The following SERPINE2 variants were observed in gnomAD, a reference collection of about 807,000 sequenced individuals.
SERPINE2 encodes the protein serpin family E member 2.
Under a neutral mutation model 36.3 loss-of-function variants are expected in SERPINE2, and 14 were observed. That is an observed-to-expected ratio of 0.39 (90% CI 0.25 to 0.60). The LOEUF is 0.60. Among genes scored for constraint, SERPINE2 ranks in the 20% least tolerant of loss-of-function variants. The pLI is 0.57. For missense variants in SERPINE2, 418 were observed against 499.6 expected (o/e 0.84, Z 1.56); for synonymous variants, 192 against 191.8 (o/e 1.00, Z -0.01).
At position 224,031,060 on chromosome 2, in the gene SERPINE2, GAAAGGA is replaced by G. The variant is rs200599962; in HGVS notation, c.-23+8033_-23+8038del. ...CGCAGCACGGCGAGGAGGTAGTCTT[GAAAGGA>G]GGAGTGTGCTTTGACACAAATTTCT... On this transcript the variant is annotated intron_variant, in intron 1 of 8. Transcript: ENST00000409304. 4.8e-3 allele frequency: 4,766 copies of G among 985,264 alleles called. 93 individuals carry two copies. The African/African-American group carries it at 0.057, about 12-fold the overall frequency. 61.0% of individuals were successfully genotyped at this position (985,264 alleles called of 1,614,324 possible). A position where few individuals can be genotyped will look rare whatever the true frequency, so the allele number is the denominator to read the frequency against.
chr2:224,028,602 G>A (rs1036227603), intron 1 of SERPINE2, among the ~76,000 whole-genome samples: 1 of 152,026 alleles, frequency 6.6e-6, no homozygotes, highest in Non-Finnish European at 1.5e-5. Flanking sequence ...AGTGGGAATC[G>A]GAGCCGGGTG....
At chr2:223,982,496 AAAT>A (rs1286689919) in intron 6 of SERPINE2, 182 bp downstream of exon 6, 4 of 491,740 alleles carry the variant, frequency 8.1e-6, no homozygotes, top group Non-Finnish European at 1.4e-5. Flanking sequence ...TAAAAGGAAA[AAAT>A]AAATAAATGA....
intron 1 of SERPINE2, among the ~76,000 whole-genome samples, chr2:224,012,114 C>G (rs1218921244): frequency 1.3e-5 from 2 of 152,148 alleles, no homozygotes; most frequent in African/African-American, 4.8e-5. Flanking sequence ...CCAGAGCTCC[C>G]CATGAGCTCT....
At chr2:224,004,848 A>C (rs545339154) in intron 1 of SERPINE2, among the ~76,000 whole-genome samples, 1 of 151,370 alleles carries the variant, frequency 6.6e-6, no homozygotes, top group Non-Finnish European at 1.5e-5. Flanking sequence ...GCCCACTATA[A>C]TCTGTACTCC....
In SERPINE2 at chr2:223,975,789, A is replaced by C; in HGVS notation, c.*78T>G. 1 of 1,192,506 alleles carries C rather than the reference A, an allele frequency of 8.4e-7. No individual in the cohort carries two copies. Among genetic ancestry groups the C allele is most frequent in the Admixed American group, 2.1e-5 (1 of 46,980 alleles). The allele number at this position is 1,192,506 out of a possible 1,614,324, so 73.9% of individuals were successfully genotyped here. On this transcript the variant is annotated 3_prime_UTR_variant, in exon 9 of 9. Transcript: ENST00000409304. ...GCGATGTACAAAAATATTTAACAGA[A>C]CTATGAAAGATGCAGGAAAGGAGTC...
intron 1 of SERPINE2, among the ~76,000 whole-genome samples, chr2:224,023,262 C>A (rs1692074563): frequency 6.6e-6 from 1 of 152,196 alleles, no homozygotes; most frequent in African/African-American, 2.4e-5. Flanking sequence ...GTCTCTCTGA[C>A]CTGCAATGAC....
At chr2:224,000,363 C>T (rs1691066411) in intron 2 of SERPINE2, among the ~76,000 whole-genome samples, 1 of 152,168 alleles carries the variant, frequency 6.6e-6, no homozygotes, top group African/African-American at 2.4e-5. Flanking sequence ...CTGGGCAAGA[C>T]CCCTCAGCTG....
intron 1 of SERPINE2, among the ~76,000 whole-genome samples, chr2:224,006,084 T>C (rs1423050396): frequency 6.6e-6 from 1 of 152,244 alleles, no homozygotes; most frequent in Non-Finnish European, 1.5e-5. Flanking sequence ...AGACTCAAAA[T>C]ATAACCCTAA....
intron 1 of SERPINE2, chr2:224,010,310 C>T (rs1461890118): frequency 3.1e-6 from 3 of 982,676 alleles, no homozygotes; most frequent in Non-Finnish European, 3.6e-6. Context: ...ATTAATTTGG[C>T]CAAAAAGGAA....
chr2:224,028,533 G>A (rs532125697), intron 1 of SERPINE2, among the ~76,000 whole-genome samples: 4 of 152,266 alleles, frequency 2.6e-5, no homozygotes, highest in East Asian at 3.9e-4. Flanking sequence ...TGAAGATAGC[G>A]TTTCAGGATC....
At chr2:223,977,808 T>G (rs1333617986) in intron 7 of SERPINE2, 181 bp from the exon 8 acceptor site, 1 of 561,156 alleles carries the variant, frequency 1.8e-6, no homozygotes, top group South Asian at 2.0e-5. Context: ...TAAGCCTACC[T>G]TGGGCCAGGC....
chr2:223,980,018 G>A (rs1220227049), intron 7 of SERPINE2: 1 of 253,544 alleles, frequency 3.9e-6, no homozygotes, highest in Non-Finnish European at 7.6e-6. Flanking sequence ...AATGGAGATG[G>A]TATGACACAC....
intron 1 of SERPINE2, among the ~76,000 whole-genome samples, chr2:224,011,662 A>C (rs565870670): frequency 4.6e-5 from 7 of 152,348 alleles, no homozygotes; most frequent in African/African-American, 1.7e-4. Flanking sequence ...ATTTTTTAAA[A>C]ATCTTTTTTA....
In SERPINE2 at chr2:223,975,924, C is replaced by T. The variant is rs1221665345; in HGVS notation, c.1157-20G>A. ...CAGCACCTACAGAATTAAAAGAAAA[C>T]AATGCATGACTCTGTAAATTAATAA... On this transcript the variant is annotated intron_variant, in intron 8 of 8. Transcript: ENST00000409304. 2 of 1,584,820 alleles carry T rather than the reference C, an allele frequency of 1.3e-6. No homozygotes were observed. The highest frequency in any genetic ancestry group is 1.2e-5 in the South Asian group (1 of 86,568).
chr2:224,002,461 C>T (rs1175955976), intron 1 of SERPINE2, among the ~76,000 whole-genome samples: 2 of 151,972 alleles, frequency 1.3e-5, no homozygotes, highest in African/African-American at 2.4e-5. Context: ...AGGTCCTATA[C>T]TAATCATTAT....
At chr2:224,018,690 C>T (rs1353591111) in intron 1 of SERPINE2, among the ~76,000 whole-genome samples, 1 of 152,130 alleles carries the variant, frequency 6.6e-6, no homozygotes, top group Non-Finnish European at 1.5e-5. Context: ...GTACTCCTCA[C>T]CCCAACCCTG....
At chr2:224,008,636 A>G (rs960388197) in intron 1 of SERPINE2, among the ~76,000 whole-genome samples, 1 of 152,122 alleles carries the variant, frequency 6.6e-6, no homozygotes, top group Non-Finnish European at 1.5e-5. Context: ...GTTTGACTAG[A>G]TGTTTAGGCT....
Position 223,977,545 on chromosome 2 carries a change from T to C in SERPINE2, c.1155A>G (p.Thr385=). The C allele has an allele frequency of 6.3e-7, 1 of 1,596,546 alleles. No individual in the cohort carries two copies. Among genetic ancestry groups the C allele is most frequent in the Middle Eastern group, 1.7e-4 (1 of 6,040 alleles). ...TGATGGAAGAGGAGAGTCACTTACC[T>C]GTAGGATTATGTCGGATGAAAAACA... The part of the protein sequence containing the change: ...PFLFFIRHNP[T]GAVLFMGQIN... Residue 385 remains threonine (T), a splice_region_variant and synonymous_variant, in exon 8 of 9, where the codon ACA becomes ACG. Transcript: ENST00000409304.
intron 1 of SERPINE2, among the ~76,000 whole-genome samples, chr2:224,021,965 C>G (rs1291560117): frequency 1.3e-5 from 2 of 152,036 alleles, no homozygotes; most frequent in African/African-American, 4.8e-5. Flanking sequence ...CGAGACCATC[C>G]TGGCTAACAC....
Sources: gnomAD v4.1 joint callset for allele counts (sites outside exome capture counted in the v4.1 genomes callset) on GRCh38, gnomAD v4.1.1 for gene constraint, MANE v1.5 for transcripts, NCBI Gene and HGNC (gene_info 2026-07-23, HGNC 2026-07-21) for gene names.